Variants in INPP5B observed in about 807,000 individuals in gnomAD.
INPP5B encodes type II inositol 1,4,5-trisphosphate 5-phosphatase.
A neutral mutation model predicts 118.5 loss-of-function variants in INPP5B; 90 were observed. The ratio of observed to expected loss-of-function variants is 0.76; its 90% CI spans 0.64 to 0.90. The LOEUF is 0.90. Ranked by LOEUF, INPP5B falls within the 40% of genes least tolerant of loss-of-function variation. INPP5B has a pLI of 0.00. For synonymous variants in INPP5B, 385 were observed against 418.9 expected (o/e 0.92, Z 0.99); for missense variants, 984 against 1,125.6 (o/e 0.87, Z 1.80).
At chr1:37,888,802 C>G (rs1643682207) in intron 9 of INPP5B, among the ~76,000 whole-genome samples, 1 of 152,226 alleles carries the variant, frequency 6.6e-6, no homozygotes, top group Non-Finnish European at 1.5e-5. Flanking sequence ...TTTGAAAGAT[C>G]TAGCAGAATC....
At chr1:37,932,504 G>A (rs1160195476) in intron 6 of INPP5B, among the ~76,000 whole-genome samples, 1 of 151,818 alleles carries the variant, frequency 6.6e-6, no homozygotes, top group African/African-American at 2.4e-5. Context: ...GAGTAGCTGG[G>A]ACTACAGGCA....
chr1:37,886,756 T>A, intron 12 of INPP5B, 132 bp downstream of exon 12: 2 of 706,480 alleles, frequency 2.8e-6, no homozygotes, highest in Non-Finnish European at 5.1e-6. Context: ...GAGCCCTGCT[T>A]GAGGGTATGA....
At chr1:37,888,635 T>G (rs1643673081) in intron 9 of INPP5B, among the ~76,000 whole-genome samples, 1 of 152,200 alleles carries the variant, frequency 6.6e-6, no homozygotes, top group African/African-American at 2.4e-5. Context: ...TTATTTGCCT[T>G]GTATATACTA....
chr1:37,944,021 C>A, intron 3 of INPP5B, 128 bp from the exon 4 acceptor site: 1 of 691,458 alleles, frequency 1.4e-6, no homozygotes, highest in Non-Finnish European at 2.6e-6. Context: ...CCTGGCTAGG[C>A]ACACTCCTCA....
chr1:37,933,576 C>T (rs1050264155), intron 6 of INPP5B, among the ~76,000 whole-genome samples: 9 of 148,638 alleles, frequency 6.1e-5, no homozygotes, highest in African/African-American at 1.2e-4. Flanking sequence ...AAAAATTAGC[C>T]GGGTGTGGTG....
chr1:37,882,708 A>G (rs1643277978), intron 14 of INPP5B, 99 bp downstream of exon 14: 2 of 828,672 alleles, frequency 2.4e-6, no homozygotes, highest in Non-Finnish European at 3.9e-6. Flanking sequence ...AAACCTCCCA[A>G]GCCAAGGAGG....
rs200640321 is a variant in INPP5B, at chr1:37,874,007, C to G, written c.1937G>C (p.Gly646Ala). The G allele has an allele frequency of 1.0e-4, 164 of 1,574,724 alleles. No individual in the cohort carries two copies. Among genetic ancestry groups the G allele is most frequent in the Non-Finnish European group, 1.3e-4 (149 of 1,151,538 alleles). ...AGAGGCCTTACCTGGCAGGAGGAAG[C>G]CTCTGCTGGGGTTGGCATTCAGCCA... Reference protein sequence around the residue: ...KQWLNANPSRGFLLPDSDVEI... With the variant: ...KQWLNANPSRAFLLPDSDVEI... The change falls in exon 18 of 24, where the codon GGC (glycine) becomes GCC (alanine). Residue 646 changes from glycine to alanine, a missense_variant. Transcript: ENST00000373024.
intron 12 of INPP5B, among the ~76,000 whole-genome samples, chr1:37,886,050 C>A (rs1005959124): frequency 4.0e-5 from 6 of 151,840 alleles, no homozygotes; most frequent in Admixed American, 1.3e-4. Flanking sequence ...TGGTGGCAGG[C>A]GCCTGTCATC....
chr1:37,932,102 G>C, intron 6 of INPP5B, 49 bp from the exon 7 acceptor site: 3 of 1,499,476 alleles, frequency 2.0e-6, no homozygotes, highest in Non-Finnish European at 2.7e-6. Flanking sequence ...TTGAAGAGCC[G>C]GCTCTGCATG....
chr1:37,923,515 T>C (rs1645123898), intron 7 of INPP5B, among the ~76,000 whole-genome samples: 1 of 152,144 alleles, frequency 6.6e-6, no homozygotes, highest in South Asian at 2.1e-4. Flanking sequence ...AGTTATGTTC[T>C]AAGGAGATCC....
Position 37,913,505 on chromosome 1 carries a change from G to A in INPP5B, c.532+18408C>T, listed in dbSNP as rs1348493491. Among the ~76,000 whole-genome samples, 5 of 152,042 alleles carry A rather than the reference G, an allele frequency of 3.3e-5. 1 individual carries two copies. Among genetic ancestry groups the A allele is most frequent in the East Asian group, 3.9e-4 (2 of 5,166 alleles). On this transcript the variant is annotated intron_variant, in intron 7 of 23. Coordinates refer to ENST00000373024, the MANE Select transcript of INPP5B (RefSeq NM_005540.3). ...CTCTTATTAGGACCTTGTGTCTTCC[G>A]TTTAGTTTCCCAATTCTTACAAAAC...
intron 7 of INPP5B, chr1:37,929,095 C>T (rs1645349106): frequency 6.6e-6 from 1 of 151,950 alleles, no homozygotes; most frequent in Non-Finnish European, 1.5e-5. Flanking sequence ...CAGTCACTTA[C>T]TGTAGGTATT....
In INPP5B at chr1:37,932,029, G is replaced by C; in HGVS notation, c.416C>G (p.Pro139Arg). 6.2e-7 allele frequency: 1 copy of C among 1,602,124 alleles called. No homozygotes were observed. Among genetic ancestry groups the C allele is most frequent in the South Asian group, 1.1e-5 (1 of 90,762 alleles). ...CPGFDSATRD[P>R]EFLWLSRYRC... ...ATACCGAGACAGCCACAGGAATTCA[G>C]GATCCCGGGTCGCAGAATCGAAGCC... is the stretch of plus-strand genomic sequence containing the variant. The change falls in exon 7 of 24, where the codon CCT becomes CGT. Residue 139 changes from proline (P) to arginine (R), a missense_variant. Around this residue, in one of 2 missense-constraint regions of INPP5B, gnomAD observed 350 missense variants for 334.6 expected, o/e 1.05. Transcript: ENST00000373024.
Position 37,891,438 on chromosome 1 carries a change from A to T in INPP5B, c.549T>A (p.Asp183Glu). ...ATIGGGGSNF[D>E]GLRPNGKGVP... ...CTCCCTTCCCATTTGGTCTCAAACC[A>T]TCAAAGTTAGAACCACCTAAAGGGA... is the stretch of plus-strand genomic sequence containing the variant. The change falls in exon 8 of 24, where the codon GAT becomes GAA. Residue 183 changes from aspartate (D) to glutamate (E), a missense_variant. Asp to Glu is a conservative substitution (Grantham distance 45). This residue lies in a region of INPP5B where 350 missense variants were observed against 334.6 expected (regional missense o/e 1.05). Transcript: ENST00000373024. 6.2e-7 allele frequency: 1 copy of T among 1,613,346 alleles called. No individual in the cohort carries two copies. The highest frequency in any genetic ancestry group is 8.5e-7 in the Non-Finnish European group (1 of 1,179,400).
intron 7 of INPP5B, among the ~76,000 whole-genome samples, chr1:37,911,926 G>A (rs1287871685): frequency 6.6e-6 from 1 of 152,184 alleles, no homozygotes; most frequent in African/African-American, 2.4e-5. Flanking sequence ...TCACGGCCAG[G>A]ACTGGACAGT....
At chr1:37,899,095 C>A (rs576789925) in intron 7 of INPP5B, among the ~76,000 whole-genome samples, 2 of 149,678 alleles carry the variant, frequency 1.3e-5, no homozygotes, top group East Asian at 4.0e-4. Context: ...GCAAGAGAAT[C>A]GCTTGAACCC....
At chr1:37,942,545 C>A (rs1410532674) in intron 5 of INPP5B, among the ~76,000 whole-genome samples, 1 of 152,050 alleles carries the variant, frequency 6.6e-6, no homozygotes. Context: ...TGTTGTATAG[C>A]AAAGCAGACA....
At chr1:37,876,205 G>C (rs1203578278) in intron 16 of INPP5B, among the ~76,000 whole-genome samples, 1 of 151,028 alleles carries the variant, frequency 6.6e-6, no homozygotes, top group African/African-American at 2.4e-5. Context: ...CTGGGTTCAA[G>C]TGATGCTCCT....
At position 37,889,731 on chromosome 1, in the gene INPP5B, A is replaced by G. The variant is rs375340559; in HGVS notation, c.630-7T>C. On this transcript the variant is annotated splice_polypyrimidine_tract_variant and splice_region_variant and intron_variant, in intron 8 of 23. Transcript: ENST00000373024. ...GGACTTGGATTTATTCTGTCTGGAA[A>G]AACAGAAGTATTTTTTTCATATGTG... The G allele has an allele frequency of 6.9e-6, 11 of 1,602,414 alleles. No homozygotes were observed. In the African/African-American group the frequency reaches 1.5e-4, roughly 22 times the overall value.
Sources: allele counts gnomAD v4.1 joint callset (sites outside exome capture counted in the v4.1 genomes callset), GRCh38; gene constraint gnomAD v4.1.1; regional missense constraint gnomAD v4.1.1; transcripts MANE v1.5; gene names NCBI Gene and HGNC (gene_info 2026-07-23, HGNC 2026-07-21).